Variants in TUBGCP2 observed in about 807,000 individuals in gnomAD.
TUBGCP2 encodes the protein tubulin gamma complex component 2.
A neutral mutation model predicts 92.2 loss-of-function variants in TUBGCP2; 55 were observed. That is an observed-to-expected ratio of 0.60 (90% CI 0.48 to 0.75). TUBGCP2 has a LOEUF of 0.75. Among genes scored for constraint, TUBGCP2 ranks in the 30% least tolerant of loss-of-function variants. TUBGCP2 has a pLI of 0.00. For synonymous variants in TUBGCP2, 533 were observed against 505.2 expected, an observed-to-expected ratio of 1.06 and a Z score of -0.74; for missense variants, 1,093 against 1,188.9, an observed-to-expected ratio of 0.92 and a Z score of 1.19.
intron 3 of TUBGCP2, 38 bp from the exon 4 acceptor site, chr10:133,299,641 G>A (rs1232270535): frequency 1.3e-6 from 2 of 1,541,936 alleles, no homozygotes; most frequent in Non-Finnish European, 1.8e-6. Context: ...CACTGGGCCA[G>A]CACCTCTTTG....
chr10:133,290,660 C>T (rs1182244791), intron 8 of TUBGCP2: 2 of 152,196 alleles, frequency 1.3e-5, no homozygotes, highest in African/African-American at 2.4e-5. Flanking sequence ...GCATTTCCTT[C>T]CATGATGAGC....
chr10:133,299,386 T>G, intron 4 of TUBGCP2, 41 bp downstream of exon 4: 1 of 1,522,408 alleles, frequency 6.6e-7, no homozygotes. Flanking sequence ...ACACAGGACC[T>G]GCTGCAGCAT....
intron 15 of TUBGCP2, 142 bp downstream of exon 15, chr10:133,282,936 G>A (rs748418912): frequency 1.6e-4 from 195 of 1,217,384 alleles, no homozygotes; most frequent in Non-Finnish European, 2.1e-4. Context: ...AAGACCAGGA[G>A]TTCTGGAAAC....
At position 133,285,622 on chromosome 10, in the gene TUBGCP2, G is replaced by A. The variant is rs752879178; in HGVS notation, c.1729C>T (p.Leu577=). ...TGAGTGATGAGGTCATGGGGCATCA[G>A]GTCGATCTTGGAGGGAAGGAAATGA... The part of the protein sequence containing the change: ...DPFKDDLKID[L]MPHDLITQLL... The change falls in exon 12 of 18, where the codon CTG becomes TTG. Residue 577 remains leucine (L), a synonymous_variant. Transcript: ENST00000252936. This position sits in a 1 kb window ranked among gnomAD's most constrained non-coding sequence, Gnocchi z 6.8. 6.0e-6 allele frequency: 9 copies of A among 1,512,224 alleles called. No individual in the cohort carries two copies. The East Asian group carries it at 6.9e-5, about 12-fold the overall frequency. The allele number at this position is 1,512,224 out of a possible 1,614,324, so 93.7% of individuals were successfully genotyped here.
chr10:133,309,588 C>A, upstream of TUBGCP2: 1 of 1,298,578 alleles, frequency 7.7e-7, no homozygotes, highest in Non-Finnish European at 1.1e-6. Context: ...CTGTGCCTGT[C>A]CAGCTTTGGC....
In TUBGCP2 at chr10:133,283,009, G is replaced by A. The variant is rs1443357878; in HGVS notation, c.2289+69C>T. On this transcript the variant is annotated intron_variant, in intron 15 of 17. Coordinates refer to ENST00000252936, the MANE Select transcript of TUBGCP2 (RefSeq NM_006659.4). ...AGGAAAACGTGAGCAGGCTGCGTGC[G>A]GCCACGGTCGGGACATGGTCTGCCC... The A allele has an allele frequency of 8.8e-6, 14 of 1,587,378 alleles. No individual in the cohort carries two copies. The East Asian group carries it at 1.4e-4, about 15-fold the overall frequency.
At chr10:133,279,929 TG>T in intron 17 of TUBGCP2, 28 bp from the exon 18 acceptor site, 1 of 1,600,364 alleles carries the variant, frequency 6.2e-7, no homozygotes, top group Non-Finnish European at 8.5e-7. Context: ...GGAGCTGGGG[TG>T]CACACCCCTT....
In TUBGCP2 at chr10:133,289,035, A is replaced by C. The variant is rs1198856008; in HGVS notation, c.1361-15T>G. On this transcript the variant is annotated splice_polypyrimidine_tract_variant and intron_variant, in intron 9 of 17. Coordinates refer to ENST00000252936, the MANE Select transcript of TUBGCP2 (RefSeq NM_006659.4). ...TAGATATTTTCCTGAAAACACAGAA[A>C]TTCAAAATTTTATTCTCCACATGGT... The C allele has an allele frequency of 6.2e-7, 1 of 1,604,754 alleles. No homozygotes were observed. The highest frequency in any genetic ancestry group is 8.5e-7 in the Non-Finnish European group (1 of 1,173,186).
chr10:133,305,960 G>A (rs1847807351), intron 1 of TUBGCP2, among the ~76,000 whole-genome samples: 1 of 152,240 alleles, frequency 6.6e-6, no homozygotes, highest in Admixed American at 6.5e-5. Flanking sequence ...AGCTTCTTCT[G>A]AAAAGGGGAA....
intron 2 of TUBGCP2, chr10:133,302,397 CACCCT>C (rs1847686275): frequency 3.6e-6 from 1 of 281,276 alleles, no homozygotes. Context: ...GCTCACCCTG[CACCCT>C]GCACCAGAGG....
At chr10:133,300,236 C>G (rs907199742) in intron 2 of TUBGCP2, 123 bp from the exon 3 acceptor site, 1 of 1,179,502 alleles carries the variant, frequency 8.5e-7, no homozygotes, top group East Asian at 2.4e-5. Context: ...AAATAATTAT[C>G]CCTCTGAAAT....
At chr10:133,307,798 CAG>C (rs755771813) in intron 1 of TUBGCP2, among the ~76,000 whole-genome samples, 4 of 152,214 alleles carry the variant, frequency 2.6e-5, no homozygotes, top group African/African-American at 7.2e-5. Flanking sequence ...GTGCGATCAT[CAG>C]AGTCACTCGC....
chr10:133,302,822 G>A lies in TUBGCP2; in HGVS notation c.120C>T (p.Val40=), dbSNP rs774817606. 3.1e-6 allele frequency: 5 copies of A among 1,613,112 alleles called. No homozygotes were observed. The South Asian group carries it at 4.4e-5, about 14-fold the overall frequency. ...DLLQKNRTPY[V]TTTVSAHSAK... ...CACTGTGAGCAGAGACAGTGGTAGTGACGTACGGGGTCCTGTTCTTTTGAA... is the reference window on the plus strand; with the variant it reads ...CACTGTGAGCAGAGACAGTGGTAGTAACGTACGGGGTCCTGTTCTTTTGAA... Residue 40 remains valine (V), a synonymous_variant, in exon 2 of 18, where the codon GTC becomes GTT. Transcript: ENST00000252936.
Position 133,285,726 on chromosome 10 carries a change from G to A in TUBGCP2, c.1723-98C>T, listed in dbSNP as rs142331948. On this transcript the variant is annotated intron_variant, in intron 11 of 17. Coordinates refer to ENST00000252936, the MANE Select transcript of TUBGCP2 (RefSeq NM_006659.4). The surrounding 1 kb of genome is among the most constrained non-coding windows in gnomAD (Gnocchi z 6.8). ...CCTCGCTCACAGACCCAGCGCTGAC[G>A]TAAGGTTCCCTACATTCCGATTCTA... is the stretch of plus-strand genomic sequence containing the variant. 7 of 1,220,436 alleles carry A rather than the reference G, an allele frequency of 5.7e-6. No homozygotes were observed. Among genetic ancestry groups the A allele is most frequent in the Admixed American group, 3.4e-5 (1 of 29,524 alleles). 75.6% of individuals were successfully genotyped at this position (1,220,436 alleles called of 1,614,324 possible).
In TUBGCP2 at chr10:133,282,271, C is replaced by T; in HGVS notation, c.2361G>A (p.Gly787=). The T allele has an allele frequency of 6.2e-7, 1 of 1,610,456 alleles. No homozygotes were observed. The highest frequency in any genetic ancestry group is 2.2e-5 in the East Asian group (1 of 44,784). ...CCCGCTCCTCGGCCCCTGCGGGCAG[C>T]CCCAGGACGGTGCTGTGCTCCAGCG... ...GQTLEHSTVL[G]LPAGAEERAR... Residue 787 remains glycine, a synonymous_variant, in exon 16 of 18, where the codon GGG becomes GGA. Transcript: ENST00000252936.
upstream of TUBGCP2, chr10:133,311,720 G>C (rs1847992942): frequency 1.2e-6 from 2 of 1,612,224 alleles, no homozygotes; most frequent in South Asian, 1.1e-5. Flanking sequence ...CCGCAGCCCA[G>C]CCTCAGCAGA....
chr10:133,279,850 C>G lies in TUBGCP2; in HGVS notation c.2625G>C (p.Glu875Asp). The change falls in exon 18 of 18, where the codon GAG becomes GAC. Residue 875 changes from glutamate to aspartate, a missense_variant. Glu to Asp is a conservative substitution (Grantham distance 45). Around this residue, in one of 3 missense-constraint regions of TUBGCP2, gnomAD observed 598 missense variants for 675.5 expected, o/e 0.89. Coordinates refer to ENST00000252936, the MANE Select transcript of TUBGCP2 (RefSeq NM_006659.4). ...YTERLERLSAERSQKATPQVP... is the reference protein window; with the variant it reads ...YTERLERLSADRSQKATPQVP... ...CTTGGGGGGTGGCCTTCTGGCTCCT[C>G]TCTGCAGACAGGCGCTCCAGGCGCT... 2 of 1,604,666 alleles carry G rather than the reference C, an allele frequency of 1.2e-6. No homozygotes were observed. Among genetic ancestry groups the G allele is most frequent in the Non-Finnish European group, 1.7e-6 (2 of 1,176,576 alleles).
chr10:133,305,669 C>T lies in TUBGCP2; in HGVS notation c.-39-2689G>A, dbSNP rs571690159. 4.0e-5 allele frequency among the ~76,000 whole-genome samples: 6 copies of T among 151,582 alleles called. No individual in the cohort carries two copies. The East Asian group carries it at 7.8e-4, about 20-fold the overall frequency. ...CACTAACGATTATTAGCACGGGACT[C>T]GACACCGAGATTCTAATCCTGTGTG... On this transcript the variant is annotated intron_variant, in intron 1 of 17. Transcript: ENST00000252936.
intron 10 of TUBGCP2, among the ~76,000 whole-genome samples, 183 bp downstream of exon 10, chr10:133,288,657 C>T (rs1281730047): frequency 6.6e-6 from 1 of 152,222 alleles, no homozygotes; most frequent in African/African-American, 2.4e-5. Context: ...ACAAGGTGAC[C>T]GGGGGCCTAC....
Sources: gnomAD v4.1 joint callset for allele counts (sites outside exome capture counted in the v4.1 genomes callset) on GRCh38, gnomAD v4.1.1 for gene constraint, gnomAD v4.1.1 regional missense constraint, Gnocchi (gnomAD v3.1) non-coding constraint, MANE v1.5 for transcripts, NCBI Gene and HGNC (gene_info 2026-07-23, HGNC 2026-07-21) for gene names.